SYNE1: variants seen among roughly 807,000 people sequenced by gnomAD.
SYNE1 encodes nesprin-1.
SYNE1 carries 616 observed loss-of-function variants against 1,111.0 expected under a neutral mutation model. The ratio of observed to expected loss-of-function variants is 0.55; its 90% CI spans 0.52 to 0.59. SYNE1 has a LOEUF of 0.59. SYNE1 is among the 20% of genes least tolerant of loss of function. The pLI is 0.00. For synonymous variants in SYNE1, 3,855 were observed against 3,825.8 expected, an observed-to-expected ratio of 1.01 and a Z score of -0.28; for missense variants, 10,006 against 10,417.0, an observed-to-expected ratio of 0.96 and a Z score of 1.72.
At chr6:152,352,812 T>C (rs2096765763) in intron 69 of SYNE1, among the ~76,000 whole-genome samples, 1 of 152,230 alleles carries the variant, frequency 6.6e-6, no homozygotes, top group African/African-American at 2.4e-5. Flanking sequence ...GTGCCAGGAA[T>C]CAGGAACCTT....
chr6:152,456,267 A>T (rs1487512141), intron 22 of SYNE1, among the ~76,000 whole-genome samples: 1 of 109,734 alleles, frequency 9.1e-6, no homozygotes, highest in African/African-American at 4.7e-5. Flanking sequence ...AATGTTACAA[A>T]GAGTTTTTTT....
chr6:152,337,822 T>C (rs1339945489), intron 75 of SYNE1, among the ~76,000 whole-genome samples: 5 of 152,204 alleles, frequency 3.3e-5, no homozygotes, highest in African/African-American at 4.8e-5. Flanking sequence ...AGCTGTGTAA[T>C]TTGTTTCAAT....
chr6:152,272,143 C>G (rs1663674010), intron 98 of SYNE1, among the ~76,000 whole-genome samples: 1 of 152,170 alleles, frequency 6.6e-6, no homozygotes, highest in African/African-American at 2.4e-5. Context: ...GAATTTTTCT[C>G]TGAATGATTT....
Position 152,236,181 on chromosome 6 carries a change from C to T in SYNE1, c.20322G>A (p.Glu6774=), listed in dbSNP as rs758437949. The change falls in exon 110 of 146, where the codon GAG becomes GAA. Residue 6774 remains glutamate, a synonymous_variant. Transcript: ENST00000367255. ...TTTTATTGGTGTTACTTAGCCAGCA[C>T]TCTCCAAGTTGATTTAGTTGGCTTT... ...DLESQLNQLG[E]CWLSNTNKMS... is the part of the protein sequence containing the mutation. 3 of 1,614,058 alleles carry T rather than the reference C, an allele frequency of 1.9e-6. No homozygotes were observed. The African/African-American group carries it at 4.0e-5, about 22-fold the overall frequency.
At chr6:152,218,538 G>A (rs907043613) in intron 120 of SYNE1, 135 bp from the exon 121 acceptor site, 55 of 989,846 alleles carry the variant, frequency 5.6e-5, no homozygotes, top group Middle Eastern at 2.9e-4. Context: ...TTCTCTAGAC[G>A]TTCCTATAAA....
chr6:152,629,587 G>C (rs1476283971), intron 2 of SYNE1, among the ~76,000 whole-genome samples: 5 of 149,134 alleles, frequency 3.4e-5, no homozygotes, highest in Non-Finnish European at 5.9e-5. Flanking sequence ...AGGTAGGAGA[G>C]TAGTCGTTGA....
chr6:152,390,719 A>G (rs886410963), intron 52 of SYNE1, among the ~76,000 whole-genome samples: 4 of 152,318 alleles, frequency 2.6e-5, no homozygotes, highest in African/African-American at 7.2e-5. Context: ...TTCAGTTTCA[A>G]AGAGTGAAAA....
intron 3 of SYNE1, among the ~76,000 whole-genome samples, chr6:152,609,800 C>A (rs2099626234): frequency 6.6e-6 from 1 of 152,134 alleles, no homozygotes; most frequent in Non-Finnish European, 1.5e-5. Flanking sequence ...AGTATTTGCT[C>A]TTCTGCAATA....
At chr6:152,425,607 C>T (rs920157041) in intron 38 of SYNE1, 60 bp from the exon 39 acceptor site, 52 of 1,588,214 alleles carry the variant, frequency 3.3e-5, no homozygotes, top group Admixed American at 5.0e-5. Context: ...AAGGACCATG[C>T]GGCACAGGCG....
At chr6:152,419,542 A>G (rs1470711813) in intron 40 of SYNE1, 27 bp downstream of exon 40, 1 of 1,566,038 alleles carries the variant, frequency 6.4e-7, no homozygotes, top group Admixed American at 1.8e-5. Flanking sequence ...TTCTTCTTCA[A>G]TCTTAAAAAA....
chr6:152,195,991 GA>G (rs2074024240), intron 127 of SYNE1, among the ~76,000 whole-genome samples: 1 of 152,200 alleles, frequency 6.6e-6, no homozygotes, highest in African/African-American at 2.4e-5. Context: ...GAAACCATAA[GA>G]AAAAGTCCTT....
rs214996 is a variant in SYNE1 at position 152,441,520 on chromosome 6, A to G, written c.4009-250T>C. On this transcript the variant is annotated intron_variant, in intron 31 of 145. Transcript: ENST00000367255. ...AGTTTTTTATAATTTGTAAAGTCTT[A>G]GAAATGTAAAGATATTACTTAAAAT... Among the ~76,000 whole-genome samples, 78,154 of 151,984 alleles carry G rather than the reference A, an allele frequency of 0.51. 22,228 individuals are homozygous for G. Among genetic ancestry groups the G allele is most frequent in the African/African-American group, 0.75 (31,122 of 41,412 alleles).
intron 3 of SYNE1, among the ~76,000 whole-genome samples, chr6:152,569,074 C>T (rs1025819849): frequency 1.3e-5 from 2 of 152,146 alleles, no homozygotes; most frequent in Admixed American, 1.3e-4. Flanking sequence ...TATTATCATA[C>T]ATCAGTGGTC....
chr6:152,444,327 A>G, intron 30 of SYNE1, 84 bp downstream of exon 30: 1 of 1,482,422 alleles, frequency 6.7e-7, no homozygotes, highest in South Asian at 1.1e-5. Context: ...CTCTCAAGCC[A>G]GTGGTTGTAT....
At chr6:152,289,925 CTTTTTTTTTTT>C in intron 95 of SYNE1, among the ~76,000 whole-genome samples, 1 of 129,966 alleles carries the variant, frequency 7.7e-6, no homozygotes, top group Middle Eastern at 4.4e-3. Flanking sequence ...CGCGCCCAGC[CTTTTTTTTTTT>C]TTTTTTTTTA....
intron 6 of SYNE1, among the ~76,000 whole-genome samples, 195 bp from the exon 7 acceptor site, chr6:152,511,298 G>T (rs2099083687): frequency 6.6e-6 from 1 of 152,066 alleles, no homozygotes; most frequent in Non-Finnish European, 1.5e-5. Context: ...GGATTTGTTA[G>T]GTGTACAAAG....
At chr6:152,528,814 C>T (rs2099179891) in intron 4 of SYNE1, among the ~76,000 whole-genome samples, 3 of 152,174 alleles carry the variant, frequency 2.0e-5, no homozygotes, top group Admixed American at 1.3e-4. Context: ...CAGTAGCAGG[C>T]ACTTCAGCTG....
intron 95 of SYNE1, among the ~76,000 whole-genome samples, chr6:152,289,915 C>T (rs1038103065): frequency 1.4e-5 from 2 of 145,444 alleles, no homozygotes; most frequent in African/African-American, 5.1e-5. Context: ...CATGAGCTAC[C>T]GCGCCCAGCC....
chr6:152,155,347 A>G (rs2061196428), intron 132 of SYNE1: 2 of 386,556 alleles, frequency 5.2e-6, no homozygotes, highest in Non-Finnish European at 9.7e-6. Flanking sequence ...TTAGAAAAGC[A>G]ACACCAGGTT....
Sources: allele counts gnomAD v4.1 joint callset (sites outside exome capture counted in the v4.1 genomes callset), GRCh38; gene constraint gnomAD v4.1.1; transcripts MANE v1.5; gene names NCBI Gene and HGNC (gene_info 2026-07-23, HGNC 2026-07-21).